TRPM3: variants seen among roughly 807,000 people sequenced by gnomAD.
TRPM3 encodes long transient receptor potential channel 3.
Under a neutral mutation model 181.2 loss-of-function variants are expected in TRPM3, and 77 were observed. The observed-to-expected ratio is 0.42, with a 90% CI of 0.35 to 0.51. The LOEUF (loss-of-function observed/expected upper bound fraction) is 0.51, where lower values mean the gene tolerates loss of function less well. Ranked by LOEUF, TRPM3 falls within the 20% of genes least tolerant of loss-of-function variation. The pLI, the probability that TRPM3 is intolerant of heterozygous loss-of-function variation, is 0.01. For missense variants in TRPM3, 1,759 were observed against 2,196.7 expected (o/e 0.80, Z 3.98); for synonymous variants, 745 against 796.4 (o/e 0.94, Z 1.09).
At position 70,535,026 on chromosome 9, in the gene TRPM3, T is replaced by G. The variant is rs1587959803; in HGVS notation, c.*927A>C. The G allele has an allele frequency of 8.7e-6, 1 of 115,090 alleles. No individual in the cohort carries two copies. Among genetic ancestry groups the G allele is most frequent in the Non-Finnish European group, 1.8e-5 (1 of 57,062 alleles). 7.1% of individuals were successfully genotyped at this position (115,090 alleles called of 1,614,324 possible). On this transcript the variant is annotated 3_prime_UTR_variant, in exon 26 of 26. Transcript: ENST00000677713. ...ACATGGCAATTTCAGGCTAGTTCTG[T>G]CCACTGTTTTTTTTTTTTTTTTTTT...
Position 70,625,454 on chromosome 9 carries a change from G to A in TRPM3, c.1668+28C>T. 2 of 1,601,112 alleles carry A rather than the reference G, an allele frequency of 1.2e-6. No individual in the cohort carries two copies. On this transcript the variant is annotated intron_variant, in intron 13 of 25. Transcript: ENST00000677713. This position sits in a 1 kb window ranked among gnomAD's most constrained non-coding sequence, Gnocchi z 4.8. ...ATAATGAAAAAAGAAACATATGAAT[G>A]TATTATTATGCTGGTTAATTAATTC...
intron 1 of TRPM3, among the ~76,000 whole-genome samples, chr9:71,395,348 C>T (rs993225025): frequency 1.3e-5 from 2 of 152,214 alleles, no homozygotes; most frequent in African/African-American, 4.8e-5. Context: ...GAACTGTGGA[C>T]TCCTATATCA....
chr9:70,634,884 A>G (rs2056882307), intron 12 of TRPM3, among the ~76,000 whole-genome samples: 1 of 152,102 alleles, frequency 6.6e-6, no homozygotes, highest in South Asian at 2.1e-4. Flanking sequence ...CAGCTCCCCA[A>G]ACAGTGAGGG....
intron 1 of TRPM3, among the ~76,000 whole-genome samples, chr9:71,422,330 C>T (rs1404539991): frequency 6.6e-6 from 1 of 151,992 alleles, no homozygotes; most frequent in Non-Finnish European, 1.5e-5. Flanking sequence ...ATTATCTATA[C>T]AATTATAAAC....
At chr9:71,224,930 A>G (rs1283788813) in intron 1 of TRPM3, among the ~76,000 whole-genome samples, 1 of 152,174 alleles carries the variant, frequency 6.6e-6, no homozygotes, top group African/African-American at 2.4e-5. Context: ...AGGAGACAAA[A>G]GAAAAAAGAA....
At chr9:70,544,014 C>T (rs1175013944) in intron 25 of TRPM3, among the ~76,000 whole-genome samples, 1 of 152,178 alleles carries the variant, frequency 6.6e-6, no homozygotes, top group African/African-American at 2.4e-5. Context: ...CACTGCAAGT[C>T]CAGCAAAACA....
chr9:71,241,014 T>C (rs2081636959), intron 1 of TRPM3, among the ~76,000 whole-genome samples: 1 of 152,216 alleles, frequency 6.6e-6, no homozygotes, highest in Admixed American at 6.5e-5. Context: ...AACCATTCTT[T>C]TTGTTCCAAA....
In TRPM3 at chr9:71,405,280, C is replaced by G. The variant is rs565101532; in HGVS notation, c.183+41373G>C. On this transcript the variant is annotated intron_variant, in intron 1 of 24. Coordinates refer to the TRPM3 transcript ENST00000357533. ...TATGCATGGCCTTATCCTATACATA[C>G]AGCAAAGTGCAAAATGCACAAATTT... is the stretch of plus-strand genomic sequence containing the variant. Among the ~76,000 whole-genome samples, 3 of 152,284 alleles carry G rather than the reference C, an allele frequency of 2.0e-5. No homozygotes were observed. In the South Asian group the frequency reaches 6.2e-4, roughly 32 times the overall value.
At chr9:71,244,090 T>C (rs2081891431) in intron 1 of TRPM3, among the ~76,000 whole-genome samples, 1 of 152,074 alleles carries the variant, frequency 6.6e-6, no homozygotes, top group Admixed American at 6.6e-5. Context: ...AGGCAAGCTG[T>C]GGAAGGAGGC....
At chr9:70,803,924 T>C (rs1423966254) in intron 6 of TRPM3, among the ~76,000 whole-genome samples, 1 of 152,140 alleles carries the variant, frequency 6.6e-6, no homozygotes, top group Non-Finnish European at 1.5e-5. Context: ...CTTTATCACC[T>C]CAGAGAGGAG....
At chr9:71,340,403 T>C (rs1423053862) in intron 1 of TRPM3, among the ~76,000 whole-genome samples, 3 of 152,128 alleles carry the variant, frequency 2.0e-5, no homozygotes, top group Non-Finnish European at 4.4e-5. Context: ...TGAATTACCA[T>C]GTGTTGTGGG....
intron 9 of TRPM3, among the ~76,000 whole-genome samples, chr9:70,644,557 T>C (rs1205513088): frequency 1.3e-5 from 2 of 152,146 alleles, no homozygotes; most frequent in Non-Finnish European, 2.9e-5. Context: ...GGAATGTATC[T>C]CAAAATAATA....
chr9:70,665,860 G>A (rs935320005), intron 9 of TRPM3, among the ~76,000 whole-genome samples: 1 of 152,116 alleles, frequency 6.6e-6, no homozygotes, highest in Non-Finnish European at 1.5e-5. Flanking sequence ...TCAACCTTCT[G>A]TTCCCTTTTT....
chr9:70,651,324 G>A (rs1259628490), intron 9 of TRPM3, among the ~76,000 whole-genome samples: 1 of 152,062 alleles, frequency 6.6e-6, no homozygotes, highest in African/African-American at 2.4e-5. Context: ...TGCAGTCTAT[G>A]CTAATCCCTT....
chr9:70,539,562 T>G (rs866414882), intron 25 of TRPM3, among the ~76,000 whole-genome samples: 1 of 151,592 alleles, frequency 6.6e-6, no homozygotes, highest in African/African-American at 2.4e-5. Flanking sequence ...CATCCCCAGG[T>G]GTATTCCCAG....
intron 1 of TRPM3, among the ~76,000 whole-genome samples, chr9:71,224,820 A>T (rs576910972): frequency 6.6e-6 from 1 of 152,326 alleles, no homozygotes; most frequent in South Asian, 2.1e-4. Context: ...TGCAACTGGC[A>T]TACTGAAGAA....
At chr9:71,058,108 C>T (rs975233923) in intron 1 of TRPM3, among the ~76,000 whole-genome samples, 1 of 151,940 alleles carries the variant, frequency 6.6e-6, no homozygotes, top group Non-Finnish European at 1.5e-5. Context: ...CAGAAAGAAC[C>T]CAGGGCATAG....
intron 1 of TRPM3, among the ~76,000 whole-genome samples, chr9:71,299,584 T>C (rs2086596541): frequency 6.6e-6 from 1 of 151,802 alleles, no homozygotes; most frequent in Non-Finnish European, 1.5e-5. Flanking sequence ...GGAAGAGAAA[T>C]GTTAACGTAA....
chr9:71,188,896 T>A (rs1256182509), intron 1 of TRPM3, among the ~76,000 whole-genome samples: 1 of 151,966 alleles, frequency 6.6e-6, no homozygotes, highest in Non-Finnish European at 1.5e-5. Context: ...CACAGTGGCA[T>A]ATATAGTAAA....
Sources: gnomAD v4.1 joint callset for allele counts (sites outside exome capture counted in the v4.1 genomes callset) on GRCh38, gnomAD v4.1.1 for gene constraint, Gnocchi (gnomAD v3.1) non-coding constraint, MANE v1.5 for transcripts, NCBI Gene and HGNC (gene_info 2026-07-23, HGNC 2026-07-21) for gene names.